The following SPAG16 variants were observed in gnomAD, a reference collection of about 807,000 sequenced individuals.
SPAG16 encodes sperm-associated antigen 16 protein.
Under a neutral mutation model 80.4 loss-of-function variants are expected in SPAG16, and 86 were observed. That is an observed-to-expected ratio of 1.07 (90% CI 0.90 to 1.28). The LOEUF (loss-of-function observed/expected upper bound fraction) is 1.28, where lower values mean the gene tolerates loss of function less well. SPAG16 is among the 50% of genes most tolerant of loss of function. SPAG16 has a pLI of 0.00. For synonymous variants in SPAG16, 294 were observed against 265.9 expected (o/e 1.11, Z -1.03); for missense variants, 870 against 765.3 (o/e 1.14, Z -1.61).
At chr2:213,907,501 A>G (rs1273055798) in intron 11 of SPAG16, among the ~76,000 whole-genome samples, 2 of 152,096 alleles carry the variant, frequency 1.3e-5, no homozygotes, top group Non-Finnish European at 2.9e-5. Context: ...TAAAAATAGA[A>G]CTGCCATATA....
chr2:213,391,522 G>A (rs936983910), intron 9 of SPAG16, among the ~76,000 whole-genome samples: 3 of 152,012 alleles, frequency 2.0e-5, no homozygotes, highest in Non-Finnish European at 4.4e-5. Flanking sequence ...TAATTTCTAT[G>A]TTTCCATCTC....
chr2:213,425,128 C>T (rs1176077190), intron 9 of SPAG16, among the ~76,000 whole-genome samples: 2 of 147,524 alleles, frequency 1.4e-5, no homozygotes, highest in African/African-American at 5.0e-5. Flanking sequence ...TTGAGACCAT[C>T]CTGGCTAACA....
chr2:213,389,248 A>G (rs1028199585), intron 9 of SPAG16, among the ~76,000 whole-genome samples: 3 of 152,280 alleles, frequency 2.0e-5, no homozygotes, highest in East Asian at 1.9e-4. Context: ...TACTAATACC[A>G]TATACAAAAA....
chr2:213,770,483 G>T (rs2069181382), intron 10 of SPAG16, among the ~76,000 whole-genome samples: 3 of 152,116 alleles, frequency 2.0e-5, no homozygotes, highest in Admixed American at 1.3e-4. Flanking sequence ...AAGTTCCAGG[G>T]TACATATGCA....
intron 10 of SPAG16, among the ~76,000 whole-genome samples, chr2:213,608,216 C>T (rs1412432699): frequency 2.0e-5 from 3 of 152,060 alleles, no homozygotes; most frequent in Admixed American, 1.3e-4. Flanking sequence ...GGTACATGTG[C>T]ACAACGTGCA....
Position 214,149,077 on chromosome 2 carries a change from G to GTATATATATATATATA in SPAG16, c.1594-58_1594-43dup, listed in dbSNP as rs1553515469. The stretch of plus-strand genomic sequence containing the variant: ...TGTATATATATATGTGTGTGTGTGT[G>GTATATATATATATATA]TATATATATATATATATATACATAC... On this transcript the variant is annotated intron_variant, in intron 14 of 15. Coordinates refer to ENST00000331683, the MANE Select transcript of SPAG16 (RefSeq NM_024532.5). 9.3e-3 allele frequency: 2,233 copies of GTATATATATATATATA among 240,018 alleles called. 76 individuals carry two copies. The highest frequency in any genetic ancestry group is 0.046 in the Admixed American group (723 of 15,562). The allele number at this position is 240,018 out of a possible 1,614,324, so 14.9% of individuals were successfully genotyped here. A position where few individuals can be genotyped will look rare whatever the true frequency, so the allele number is the denominator to read the frequency against.
intron 12 of SPAG16, among the ~76,000 whole-genome samples, chr2:213,970,507 G>A (rs562380743): frequency 1.6e-4 from 24 of 151,944 alleles, no homozygotes; most frequent in Non-Finnish European, 7.4e-5. Flanking sequence ...TCACCATGTT[G>A]CCCAGGCTGG....
chr2:214,005,530 T>A (rs1361099417), intron 12 of SPAG16, among the ~76,000 whole-genome samples: 1 of 152,194 alleles, frequency 6.6e-6, no homozygotes, highest in Non-Finnish European at 1.5e-5. Context: ...CTGGCTGAGA[T>A]GCTCAGACCA....
At chr2:214,253,565 T>C (rs1690459490) in intron 15 of SPAG16, among the ~76,000 whole-genome samples, 1 of 152,216 alleles carries the variant, frequency 6.6e-6, no homozygotes, top group Non-Finnish European at 1.5e-5. Context: ...TAGGGAATCC[T>C]TTCCCCATTG....
chr2:214,273,143 G>GT (rs999145565), intron 15 of SPAG16, among the ~76,000 whole-genome samples: 7 of 152,182 alleles, frequency 4.6e-5, no homozygotes, highest in South Asian at 2.1e-4. Flanking sequence ...GGGGTTGTAT[G>GT]TTTTTTTCTT....
At chr2:213,909,086 G>C (rs2077549193) in intron 11 of SPAG16, among the ~76,000 whole-genome samples, 1 of 152,038 alleles carries the variant, frequency 6.6e-6, no homozygotes, top group East Asian at 1.9e-4. Context: ...ACCAAAAACA[G>C]ACAAACAGAG....
chr2:214,350,766 A>T (rs1698349309), intron 15 of SPAG16, among the ~76,000 whole-genome samples: 1 of 152,190 alleles, frequency 6.6e-6, no homozygotes, highest in South Asian at 2.1e-4. Context: ...GAAGCCTAGA[A>T]GCTAAAGAGA....
intron 15 of SPAG16, among the ~76,000 whole-genome samples, chr2:214,274,633 C>T (rs1484813746): frequency 6.6e-6 from 1 of 152,118 alleles, no homozygotes; most frequent in Non-Finnish European, 1.5e-5. Context: ...AGCCTTGCAT[C>T]CCAGGGATGA....
At chr2:214,200,028 C>T (rs1340996637) in intron 15 of SPAG16, among the ~76,000 whole-genome samples, 4 of 152,114 alleles carry the variant, frequency 2.6e-5, no homozygotes, top group Non-Finnish European at 4.4e-5. Context: ...GCTAGGTAAA[C>T]GATCATATCA....
chr2:213,583,767 C>G (rs1475232296), intron 10 of SPAG16, among the ~76,000 whole-genome samples: 5 of 152,116 alleles, frequency 3.3e-5, no homozygotes, highest in Non-Finnish European at 7.4e-5. Context: ...GATATCTTGA[C>G]TACTTTTTAA....
At chr2:214,305,285 T>C (rs6730909) in intron 15 of SPAG16, among the ~76,000 whole-genome samples, 88,343 of 152,012 alleles carry the variant, frequency 0.58, 26,797 homozygotes, top group South Asian at 0.7. Context: ...CTTTGTCAGA[T>C]GCAGTTTGCA....
chr2:214,306,017 GT>G (rs754069696), intron 15 of SPAG16, among the ~76,000 whole-genome samples: 3 of 152,046 alleles, frequency 2.0e-5, no homozygotes, highest in Non-Finnish European at 4.4e-5. Flanking sequence ...ATCATGGAAT[GT>G]TTTTCCATTT....
chr2:214,336,666 A>C (rs944527464), intron 15 of SPAG16, among the ~76,000 whole-genome samples: 2 of 152,072 alleles, frequency 1.3e-5, no homozygotes, highest in African/African-American at 4.8e-5. Flanking sequence ...AGACTATTCA[A>C]TATTAGAAAT....
intron 10 of SPAG16, among the ~76,000 whole-genome samples, chr2:213,681,247 T>C (rs1467788115): frequency 6.6e-6 from 1 of 152,196 alleles, no homozygotes; most frequent in African/African-American, 2.4e-5. Flanking sequence ...GTTAAATATT[T>C]TTTCCTTGTC....
Sources: allele counts gnomAD v4.1 joint callset (sites outside exome capture counted in the v4.1 genomes callset), GRCh38; gene constraint gnomAD v4.1.1; transcripts MANE v1.5; gene names NCBI Gene and HGNC (gene_info 2026-07-23, HGNC 2026-07-21).